The following STPG2 variants were observed in gnomAD, a reference collection of about 807,000 sequenced individuals.
STPG2 encodes sperm tail PG-rich repeat containing 2.
STPG2 carries 56 observed loss-of-function variants against 54.2 expected under a neutral mutation model. The ratio of observed to expected loss-of-function variants is 1.03; its 90% CI spans 0.83 to 1.29. The LOEUF is 1.29. STPG2 is among the 50% of genes most tolerant of loss of function. The probability of loss-of-function intolerance (pLI) is 0.00; values close to 1 mark genes in which losing one functional copy is unlikely to be tolerated. For synonymous variants in STPG2, 200 were observed against 181.8 expected (o/e 1.10, Z -0.81); for missense variants, 596 against 544.9 (o/e 1.09, Z -0.93).
chr4:97,829,667 G>T (rs1162066868), intron 9 of STPG2, among the ~76,000 whole-genome samples: 1 of 152,084 alleles, frequency 6.6e-6, no homozygotes, highest in African/African-American at 2.4e-5. Context: ...AACCAGTTTA[G>T]AAAAGAACAT....
chr4:97,930,548 TG>T (rs1234587098), intron 8 of STPG2, among the ~76,000 whole-genome samples: 1 of 152,206 alleles, frequency 6.6e-6, no homozygotes, highest in Non-Finnish European at 1.5e-5. Flanking sequence ...TGCCTGTTTT[TG>T]TACCAGTGCC....
intron 4 of STPG2, among the ~76,000 whole-genome samples, chr4:97,513,975 T>C (rs1396484351): frequency 6.6e-6 from 1 of 152,040 alleles, no homozygotes; most frequent in Admixed American, 6.6e-5. Flanking sequence ...ACAAAATATA[T>C]AAAGTCAGAA....
chr4:97,720,279 GT>G (rs1268693907), intron 9 of STPG2, among the ~76,000 whole-genome samples: 1 of 151,876 alleles, frequency 6.6e-6, no homozygotes, highest in Non-Finnish European at 1.5e-5. Context: ...GCTCAGAGAA[GT>G]TAAACAACTT....
chr4:97,632,972 T>C (rs1426175275), intron 10 of STPG2, among the ~76,000 whole-genome samples: 1 of 152,106 alleles, frequency 6.6e-6, no homozygotes, highest in Non-Finnish European at 1.5e-5. Context: ...AGATGGTAGA[T>C]AGATGGCAGG....
intron 5 of STPG2, among the ~76,000 whole-genome samples, chr4:97,993,174 G>T (rs374926804): frequency 6.6e-6 from 1 of 152,220 alleles, no homozygotes; most frequent in East Asian, 1.9e-4. Flanking sequence ...TTCTCAGGAA[G>T]AATGCTTTCA....
At chr4:97,831,376 T>G (rs1475517933) in intron 9 of STPG2, among the ~76,000 whole-genome samples, 1 of 152,084 alleles carries the variant, frequency 6.6e-6, no homozygotes, top group Non-Finnish European at 1.5e-5. Context: ...TAAAGCAGTG[T>G]GTAGAGAAAA....
At chr4:97,562,836 C>G (rs530751326) in intron 10 of STPG2, among the ~76,000 whole-genome samples, 1 of 151,956 alleles carries the variant, frequency 6.6e-6, no homozygotes, top group African/African-American at 2.4e-5. Flanking sequence ...CTGTGGGATT[C>G]GGTTTGCCAA....
intron 9 of STPG2, among the ~76,000 whole-genome samples, chr4:97,782,372 G>C (rs1036962746): frequency 2.6e-5 from 4 of 152,070 alleles, no homozygotes; most frequent in Non-Finnish European, 5.9e-5. Context: ...AACTTACAAG[G>C]GATGTGAAGA....
chr4:97,939,713 C>T (rs1490552599), intron 8 of STPG2, among the ~76,000 whole-genome samples: 1 of 152,128 alleles, frequency 6.6e-6, no homozygotes, highest in Non-Finnish European at 1.5e-5. Flanking sequence ...TAAGATGGGT[C>T]ACTTGAAAAC....
At chr4:98,133,117 A>G (rs1219626707) in intron 2 of STPG2, among the ~76,000 whole-genome samples, 2 of 152,028 alleles carry the variant, frequency 1.3e-5, no homozygotes, top group Admixed American at 1.3e-4. Flanking sequence ...GATTAATTTT[A>G]AACATTGTTT....
At chr4:97,910,690 A>G (rs1731644926) in intron 8 of STPG2, among the ~76,000 whole-genome samples, 1 of 152,244 alleles carries the variant, frequency 6.6e-6, no homozygotes, top group African/African-American at 2.4e-5. Context: ...CATCATAACA[A>G]TAAAAAGAAA....
intron 7 of STPG2, among the ~76,000 whole-genome samples, chr4:97,963,555 T>A (rs866321677): frequency 4.0e-5 from 6 of 151,896 alleles, no homozygotes; most frequent in South Asian, 2.1e-4. Flanking sequence ...CACAGAAGAC[T>A]GAAGCAGGAG....
chr4:97,767,718 T>C (rs1277996983), intron 9 of STPG2, among the ~76,000 whole-genome samples: 1 of 152,154 alleles, frequency 6.6e-6, no homozygotes, highest in Non-Finnish European at 1.5e-5. Context: ...AATCAGTTTA[T>C]CCATATTATA....
At chr4:97,540,492 C>A (rs1027327885) in intron 4 of STPG2, among the ~76,000 whole-genome samples, 5 of 151,930 alleles carry the variant, frequency 3.3e-5, no homozygotes, top group African/African-American at 1.2e-4. Flanking sequence ...AATAGCTTAC[C>A]AACCAAAAAA....
chr4:97,530,207 C>T (rs1000883804), intron 4 of STPG2, among the ~76,000 whole-genome samples: 4 of 152,138 alleles, frequency 2.6e-5, no homozygotes, highest in Non-Finnish European at 5.9e-5. Flanking sequence ...CTGCCATTCC[C>T]TAGGAACTTG....
intron 3 of STPG2, among the ~76,000 whole-genome samples, chr4:98,120,806 AC>A (rs1739657056): frequency 1.3e-5 from 2 of 152,096 alleles, no homozygotes; most frequent in African/African-American, 4.8e-5. Context: ...TGGATATTAG[AC>A]CTCTGTCAAA....
At position 98,109,209 on chromosome 4, in the gene STPG2, G is replaced by A. The variant is rs1460517113; in HGVS notation, c.484C>T (p.Gln162Ter). 3 of 1,607,796 alleles carry A rather than the reference G, an allele frequency of 1.9e-6. No homozygotes were observed. The highest frequency in any genetic ancestry group is 2.6e-6 in the Non-Finnish European group (3 of 1,176,004). ...LPKKSGPGPGQYDIVQKKTSY... is the reference protein window; with the variant it reads ...LPKKSGPGPG ...TTTACTTACTGGACTATATCATACT[G>A]TCCTGGACCAGGACCTGACTTTTTA... Residue 162 changes from glutamine to a stop codon, truncating the protein, a stop_gained, in exon 4 of 11, where the codon CAG (glutamine) becomes TAG (stop). Transcript: ENST00000295268. LOFTEE classifies it high-confidence loss of function.
At chr4:97,609,128 T>G (rs952053189) in intron 10 of STPG2, among the ~76,000 whole-genome samples, 2 of 152,072 alleles carry the variant, frequency 1.3e-5, no homozygotes, top group African/African-American at 2.4e-5. Context: ...TTTTAATACC[T>G]AAAAAACTTA....
chr4:97,942,143 A>C (rs1733009451), intron 8 of STPG2, among the ~76,000 whole-genome samples: 1 of 149,126 alleles, frequency 6.7e-6, no homozygotes, highest in South Asian at 2.1e-4. Flanking sequence ...ATGTGTGTAT[A>C]TATATATATA....
Sources: gnomAD v4.1 joint callset for allele counts (sites outside exome capture counted in the v4.1 genomes callset) on GRCh38, gnomAD v4.1.1 for gene constraint, MANE v1.5 for transcripts, NCBI Gene and HGNC (gene_info 2026-07-23, HGNC 2026-07-21) for gene names.